Variants in GRIN2B observed in about 807,000 individuals in gnomAD.
GRIN2B encodes glutamate receptor ionotropic, NMDA 2B.
GRIN2B carries 5 observed loss-of-function variants against 114.5 expected under a neutral mutation model. The observed-to-expected ratio is 0.04, with a 90% CI of 0.02 to 0.09. The LOEUF (loss-of-function observed/expected upper bound fraction) is 0.09, where lower values mean the gene tolerates loss of function less well. GRIN2B is among the 10% of genes least tolerant of loss of function. The pLI is 1.00. For synonymous variants in GRIN2B, 787 were observed against 745.1 expected (o/e 1.06, Z -0.92); for missense variants, 1,108 against 1,943.5 (o/e 0.57, Z 8.08).
chr12:13,957,001 G>C (rs1867603745), intron 2 of GRIN2B, among the ~76,000 whole-genome samples: 1 of 152,194 alleles, frequency 6.6e-6, no homozygotes, highest in Non-Finnish European at 1.5e-5. Context: ...ACAGGTTAAA[G>C]AGAGTTCAGG....
intron 2 of GRIN2B, among the ~76,000 whole-genome samples, chr12:13,949,417 G>A (rs1867433614): frequency 6.6e-6 from 1 of 152,082 alleles, no homozygotes; most frequent in African/African-American, 2.4e-5. Context: ...CTTCTCTCCA[G>A]GGTTGCTACA....
In GRIN2B at chr12:13,563,073, G is replaced by A; in HGVS notation, c.4165C>T (p.Pro1389Ser). ...PDRVTQNPFI[P>S]TFGDDQCLLH... ...AAGCACTGGTCGTCCCCAAAAGTGG[G>A]GATGAAAGGGTTTTGCGTGACCCGG... Residue 1389 changes from proline (P) to serine (S), a missense_variant, in exon 14 of 14, where the codon CCC becomes TCC. Pro to Ser is a moderately conservative substitution (Grantham distance 74). This residue lies in a region of GRIN2B where 478 missense variants were observed against 506.0 expected (regional missense o/e 0.94). Coordinates refer to ENST00000609686, the MANE Select transcript of GRIN2B (RefSeq NM_000834.5). The A allele has an allele frequency of 6.2e-7, 1 of 1,614,176 alleles. No individual in the cohort carries two copies. Among genetic ancestry groups the A allele is most frequent in the Non-Finnish European group, 8.5e-7 (1 of 1,180,028 alleles).
At chr12:13,778,079 C>A (rs140065570) in intron 3 of GRIN2B, among the ~76,000 whole-genome samples, 1 of 152,202 alleles carries the variant, frequency 6.6e-6, no homozygotes, top group African/African-American at 2.4e-5. Flanking sequence ...CAGGGAAAGA[C>A]CGTGTTGTTG....
At chr12:13,863,171 C>G (rs933585037) in intron 3 of GRIN2B, among the ~76,000 whole-genome samples, 1 of 152,182 alleles carries the variant, frequency 6.6e-6, no homozygotes, top group African/African-American at 2.4e-5. Flanking sequence ...ATTCACTTTA[C>G]TGGTGTCAGT....
At chr12:13,614,503 C>A (rs912932746) in intron 8 of GRIN2B, among the ~76,000 whole-genome samples, 1 of 152,032 alleles carries the variant, frequency 6.6e-6, no homozygotes, top group Non-Finnish European at 1.5e-5. Flanking sequence ...CTCATCTCAC[C>A]CAGTCTTATA....
chr12:13,590,559 T>TC (rs1177162308), intron 10 of GRIN2B, among the ~76,000 whole-genome samples: 2 of 152,192 alleles, frequency 1.3e-5, no homozygotes, highest in East Asian at 3.9e-4. Flanking sequence ...TTTATCCATG[T>TC]CCCTGCAAAG....
At chr12:13,655,585 C>G (rs768176351) in intron 5 of GRIN2B, among the ~76,000 whole-genome samples, 2 of 152,168 alleles carry the variant, frequency 1.3e-5, no homozygotes, top group South Asian at 2.1e-4. Context: ...CTCTGGAATT[C>G]GACTGCATGG....
At chr12:13,854,989 C>A (rs954453207) in intron 3 of GRIN2B, among the ~76,000 whole-genome samples, 1 of 145,366 alleles carries the variant, frequency 6.9e-6, no homozygotes, top group African/African-American at 2.6e-5. Context: ...GGTGGGTGGA[C>A]CACCTGAGGT....
intron 4 of GRIN2B, among the ~76,000 whole-genome samples, chr12:13,736,675 G>T (rs1381419932): frequency 6.6e-6 from 1 of 152,134 alleles, no homozygotes; most frequent in Non-Finnish European, 1.5e-5. Context: ...CAAGGATTTA[G>T]CTGCCTACGT....
intron 2 of GRIN2B, among the ~76,000 whole-genome samples, chr12:13,922,682 C>CA (rs1866843768): frequency 6.6e-6 from 1 of 152,106 alleles, no homozygotes; most frequent in Non-Finnish European, 1.5e-5. Context: ...AAGAGACAAA[C>CA]AAAAAACTAA....
At chr12:13,680,436 T>TTGTGTGTGTGTGTGTGTGTG (rs56755720) in intron 4 of GRIN2B, among the ~76,000 whole-genome samples, 1 of 123,480 alleles carries the variant, frequency 8.1e-6, no homozygotes, top group Admixed American at 8.2e-5. Flanking sequence ...CCCATCAAGG[T>TTGTGTGTGTGTGTGTGTGTG]TGTGTGTGTG....
intron 2 of GRIN2B, among the ~76,000 whole-genome samples, chr12:13,916,855 G>A (rs944983434): frequency 6.6e-6 from 1 of 151,728 alleles, no homozygotes; most frequent in African/African-American, 2.4e-5. Context: ...GGTACATGGT[G>A]CACACAAGAC....
chr12:13,731,971 G>C (rs954379537), intron 4 of GRIN2B, among the ~76,000 whole-genome samples: 1 of 152,036 alleles, frequency 6.6e-6, no homozygotes, highest in African/African-American at 2.4e-5. Context: ...ATGACCTATT[G>C]GTTAATAGTA....
intron 10 of GRIN2B, among the ~76,000 whole-genome samples, chr12:13,582,283 G>T (rs1432778569): frequency 6.6e-6 from 1 of 152,178 alleles, no homozygotes; most frequent in Non-Finnish European, 1.5e-5. Context: ...GTGTTCATTG[G>T]AGAGAATATT....
At chr12:13,724,168 A>C (rs947085788) in intron 4 of GRIN2B, among the ~76,000 whole-genome samples, 3 of 152,162 alleles carry the variant, frequency 2.0e-5, no homozygotes, top group African/African-American at 7.2e-5. Flanking sequence ...TCCTGTCCTC[A>C]ATATGTGACC....
chr12:13,681,405 T>G (rs1591673437), intron 4 of GRIN2B, among the ~76,000 whole-genome samples: 1 of 151,992 alleles, frequency 6.6e-6, no homozygotes, highest in African/African-American at 2.4e-5. Flanking sequence ...AAAGTGGCGG[T>G]TTTTCATATC....
chr12:13,643,134 G>A (rs1402385959), intron 5 of GRIN2B, among the ~76,000 whole-genome samples: 1 of 152,040 alleles, frequency 6.6e-6, no homozygotes, highest in Non-Finnish European at 1.5e-5. Flanking sequence ...ATTTTCTTTA[G>A]GAAATATATA....
At chr12:13,904,195 C>T (rs1169959012) in intron 2 of GRIN2B, among the ~76,000 whole-genome samples, 1 of 146,862 alleles carries the variant, frequency 6.8e-6, no homozygotes, top group Non-Finnish European at 1.5e-5. Flanking sequence ...ATTTGTTCCA[C>T]ACCTCCTCTG....
intron 5 of GRIN2B, among the ~76,000 whole-genome samples, chr12:13,655,041 A>G (rs536225409): frequency 2.6e-5 from 4 of 152,268 alleles, no homozygotes; most frequent in South Asian, 2.1e-4. Flanking sequence ...CCTTCTCCCT[A>G]TGAGTAAAAG....
Sources: allele counts gnomAD v4.1 joint callset (sites outside exome capture counted in the v4.1 genomes callset), GRCh38; gene constraint gnomAD v4.1.1; regional missense constraint gnomAD v4.1.1; transcripts MANE v1.5; gene names NCBI Gene and HGNC (gene_info 2026-07-23, HGNC 2026-07-21).